Variants in PAPPA observed in about 807,000 individuals in gnomAD.
The protein encoded by PAPPA is pappalysin 1.
In PAPPA, 60 loss-of-function variants were observed where a neutral mutation model predicts 164.0. That is an observed-to-expected ratio of 0.37 (90% CI 0.30 to 0.45). The LOEUF is 0.45. Ranked by LOEUF, PAPPA falls within the 20% of genes least tolerant of loss-of-function variation. PAPPA has a pLI of 1.00. For missense variants in PAPPA, 1,782 were observed against 2,087.3 expected (o/e 0.85, Z 2.85); for synonymous variants, 875 against 814.1 (o/e 1.07, Z -1.27).
chr9:116,287,717 G>A (rs1488191107), intron 9 of PAPPA: 1 of 152,218 alleles, frequency 6.6e-6, no homozygotes, highest in Non-Finnish European at 1.5e-5. Flanking sequence ...TTCAGGTTAA[G>A]CATCTTCATA....
intron 21 of PAPPA, among the ~76,000 whole-genome samples, chr9:116,393,751 G>A (rs1846924778): frequency 6.6e-6 from 1 of 152,184 alleles, no homozygotes; most frequent in Non-Finnish European, 1.5e-5. Context: ...CCAGGGAAGA[G>A]CAGTCAGAGT....
chr9:116,200,929 A>G (rs915443730), intron 2 of PAPPA, among the ~76,000 whole-genome samples: 1 of 152,212 alleles, frequency 6.6e-6, no homozygotes, highest in African/African-American at 2.4e-5. Context: ...GGAATGATCA[A>G]TTTTCAATTA....
intron 13 of PAPPA, among the ~76,000 whole-genome samples, chr9:116,338,722 T>C (rs143139369): frequency 6.6e-6 from 1 of 152,350 alleles, no homozygotes; most frequent in Non-Finnish European, 1.5e-5. Flanking sequence ...CCTAAGCATG[T>C]GTGTGTCTTT....
chr9:116,198,364 CAG>C (rs1844131748), intron 2 of PAPPA, among the ~76,000 whole-genome samples: 1 of 152,170 alleles, frequency 6.6e-6, no homozygotes, highest in Non-Finnish European at 1.5e-5. Context: ...GCTGTCAAAA[CAG>C]AGATTGGAGT....
intron 6 of PAPPA, among the ~76,000 whole-genome samples, chr9:116,231,520 C>T (rs1454540285): frequency 6.6e-6 from 1 of 152,072 alleles, no homozygotes; most frequent in Non-Finnish European, 1.5e-5. Context: ...TAGTCCAATA[C>T]TCTCCTAACT....
chr9:116,160,903 G>C (rs1843658030), intron 1 of PAPPA, among the ~76,000 whole-genome samples: 1 of 152,198 alleles, frequency 6.6e-6, no homozygotes. Context: ...TCAGGTCCTG[G>C]TTTGGCTTCC....
chr9:116,363,544 G>A (rs920882447), intron 18 of PAPPA, among the ~76,000 whole-genome samples: 61 of 152,186 alleles, frequency 4.0e-4, no homozygotes, highest in African/African-American at 1.4e-3. Flanking sequence ...ACAGCTTTCC[G>A]GGGTACTCAG....
chr9:116,321,790 G>C lies in PAPPA; in HGVS notation c.3148-9454G>C, dbSNP rs151090639. Among the ~76,000 whole-genome samples the C allele has an allele frequency of 3.9e-3, 595 of 152,314 alleles. 1 individual carries two copies. Among genetic ancestry groups the C allele is most frequent in the Middle Eastern group, 0.014 (4 of 294 alleles). ...GAGCCCTGCCCAGTAACCTGCATTA[G>C]ACACTGATGAAAAGGAAAGAGAAGT... On this transcript the variant is annotated intron_variant, in intron 10 of 21. Transcript: ENST00000328252.
chr9:116,316,728 A>G (rs1169104371), intron 10 of PAPPA, among the ~76,000 whole-genome samples: 2 of 152,236 alleles, frequency 1.3e-5, no homozygotes, highest in African/African-American at 2.4e-5. Context: ...GGTCTGCAGG[A>G]TGCTGTTAAA....
At chr9:116,392,887 T>C (rs911725995) in intron 21 of PAPPA, among the ~76,000 whole-genome samples, 1 of 152,204 alleles carries the variant, frequency 6.6e-6, no homozygotes, top group Non-Finnish European at 1.5e-5. Flanking sequence ...AGTTTCTGTA[T>C]AAAGTCTACA....
chr9:116,315,116 C>G (rs1282631566), intron 10 of PAPPA, among the ~76,000 whole-genome samples: 1 of 152,136 alleles, frequency 6.6e-6, no homozygotes, highest in Non-Finnish European at 1.5e-5. Context: ...ATTTATAAAT[C>G]GGTGTCTACA....
chr9:116,189,892 C>T (rs1269165722), intron 2 of PAPPA, among the ~76,000 whole-genome samples: 2 of 152,216 alleles, frequency 1.3e-5, no homozygotes, highest in Non-Finnish European at 2.9e-5. Context: ...GGAGAATGCC[C>T]TGCCTGGCAG....
chr9:116,164,288 C>T (rs117090133), intron 1 of PAPPA, among the ~76,000 whole-genome samples: 1 of 152,344 alleles, frequency 6.6e-6, no homozygotes, highest in East Asian at 1.9e-4. Flanking sequence ...CTTCTTCTCT[C>T]TCTTCCTACT....
At chr9:116,268,632 G>A (rs1845099948) in intron 8 of PAPPA, among the ~76,000 whole-genome samples, 1 of 151,846 alleles carries the variant, frequency 6.6e-6, no homozygotes, top group Non-Finnish European at 1.5e-5. Context: ...CACTGCAAAT[G>A]ATATCATTCT....
chr9:116,215,149 T>A (rs971495592), intron 4 of PAPPA, among the ~76,000 whole-genome samples: 1 of 152,168 alleles, frequency 6.6e-6, no homozygotes, highest in African/African-American at 2.4e-5. Context: ...AGAAGTGGAA[T>A]AACATGGTGG....
At chr9:116,372,518 G>C (rs1846588939) in intron 19 of PAPPA, among the ~76,000 whole-genome samples, 1 of 152,148 alleles carries the variant, frequency 6.6e-6, no homozygotes, top group African/African-American at 2.4e-5. Flanking sequence ...GACTATTCCA[G>C]TCTGGAGACC....
chr9:116,336,740 T>A (rs1846066992), intron 13 of PAPPA, among the ~76,000 whole-genome samples: 1 of 152,222 alleles, frequency 6.6e-6, no homozygotes, highest in Admixed American at 6.5e-5. Context: ...TGCTGCCCTA[T>A]ATCTGACTAA....
chr9:116,311,874 G>A (rs1406484032), intron 10 of PAPPA, among the ~76,000 whole-genome samples: 2 of 152,240 alleles, frequency 1.3e-5, no homozygotes, highest in Non-Finnish European at 2.9e-5. Context: ...GAAGGGATGG[G>A]TTTGGCATTT....
Position 116,231,912 on chromosome 9 carries a change from C to T in PAPPA, c.2234-3227C>T, listed in dbSNP as rs146472626. On this transcript the variant is annotated intron_variant, in intron 6 of 21. Coordinates refer to ENST00000328252, the MANE Select transcript of PAPPA (RefSeq NM_002581.5). The stretch of plus-strand genomic sequence containing the variant: ...GAGCAGCTGGGGTTACAGGCACGTG[C>T]CACCACACCGAGGTAATTTTGTATT... Among the ~76,000 whole-genome samples the T allele has an allele frequency of 9.0e-3, 1,370 of 151,784 alleles. 8 individuals are homozygous for T. The highest frequency in any genetic ancestry group is 0.014 in the Admixed American group (214 of 15,246).
Sources: allele counts gnomAD v4.1 joint callset (sites outside exome capture counted in the v4.1 genomes callset), GRCh38; gene constraint gnomAD v4.1.1; transcripts MANE v1.5; gene names NCBI Gene and HGNC (gene_info 2026-07-23, HGNC 2026-07-21).